The following TANGO6 variants were observed in gnomAD, a reference collection of about 807,000 sequenced individuals.
TANGO6 encodes the protein transport and golgi organization 6 homolog, also known as transport and Golgi organization protein 6 homolog.
In TANGO6, 90 loss-of-function variants were observed where a neutral mutation model predicts 114.2. The ratio of observed to expected loss-of-function variants is 0.79; its 90% CI spans 0.66 to 0.94. The LOEUF (loss-of-function observed/expected upper bound fraction) is 0.94, where lower values mean the gene tolerates loss of function less well. TANGO6 is among the 40% of genes least tolerant of loss of function. The pLI is 0.00. For synonymous variants in TANGO6, 477 were observed against 509.8 expected (o/e 0.94, Z 0.87); for missense variants, 1,274 against 1,315.3 (o/e 0.97, Z 0.49).
intron 14 of TANGO6, among the ~76,000 whole-genome samples, chr16:68,971,827 T>G (rs1243761306): frequency 6.7e-6 from 1 of 148,654 alleles, no homozygotes; most frequent in Non-Finnish European, 1.5e-5. Context: ...GAGACGGGGT[T>G]TCACCATGTT....
At chr16:69,078,667 C>A (rs904896950) in intron 17 of TANGO6, among the ~76,000 whole-genome samples, 24 of 152,158 alleles carry the variant, frequency 1.6e-4, no homozygotes, top group Admixed American at 1.4e-3. Context: ...CTAGATGTTT[C>A]CATTGTTAAA....
intron 13 of TANGO6, among the ~76,000 whole-genome samples, chr16:68,929,563 A>G (rs1407394333): frequency 6.6e-6 from 1 of 152,322 alleles, no homozygotes; most frequent in East Asian, 1.9e-4. Flanking sequence ...ACAGCATTAT[A>G]TATGGAGCAG....
chr16:69,069,853 C>T (rs1960269829), intron 17 of TANGO6, among the ~76,000 whole-genome samples: 2 of 151,874 alleles, frequency 1.3e-5, no homozygotes, highest in Admixed American at 6.6e-5. Context: ...TCTTGGATCT[C>T]GCGCAAGAAA....
chr16:69,023,145 A>T (rs145719716), intron 16 of TANGO6, among the ~76,000 whole-genome samples, 166 bp downstream of exon 16: 1 of 152,242 alleles, frequency 6.6e-6, no homozygotes, highest in African/African-American at 2.4e-5. Context: ...CATCTGTCTC[A>T]CATGTATATT....
At chr16:68,863,542 G>A (rs541270927) in intron 3 of TANGO6, among the ~76,000 whole-genome samples, 85 of 152,044 alleles carry the variant, frequency 5.6e-4, no homozygotes, top group South Asian at 2.9e-3. Flanking sequence ...CCTGGGAGGC[G>A]GAGGTTGCAG....
intron 7 of TANGO6, among the ~76,000 whole-genome samples, chr16:68,881,212 T>C (rs1962457194): frequency 1.3e-5 from 2 of 152,214 alleles, no homozygotes; most frequent in East Asian, 3.9e-4. Context: ...AAAGCATGTC[T>C]ATTGAAGAAG....
At chr16:69,029,657 C>T (rs200581155) in intron 16 of TANGO6, among the ~76,000 whole-genome samples, 1 of 151,976 alleles carries the variant, frequency 6.6e-6, no homozygotes, top group African/African-American at 2.4e-5. Flanking sequence ...GCGGTGGGGC[C>T]GTTGCAGTGC....
chr16:68,923,515 G>A (rs943148529), intron 12 of TANGO6, among the ~76,000 whole-genome samples: 2 of 152,188 alleles, frequency 1.3e-5, no homozygotes, highest in African/African-American at 4.8e-5. Context: ...GTGCTACAAT[G>A]CTGTCCTTTC....
intron 14 of TANGO6, among the ~76,000 whole-genome samples, chr16:68,934,997 G>A (rs1193813329): frequency 6.6e-6 from 1 of 152,166 alleles, no homozygotes; most frequent in African/African-American, 2.4e-5. Context: ...TCTGTTCTCA[G>A]CTCCCCAAGA....
At chr16:69,055,753 G>T (rs140425421) in intron 17 of TANGO6, among the ~76,000 whole-genome samples, 11 of 152,334 alleles carry the variant, frequency 7.2e-5, no homozygotes, top group Non-Finnish European at 1.6e-4. Flanking sequence ...GTAAAGCTGA[G>T]CCAGGCGTGC....
chr16:69,006,847 A>G (rs78100786), intron 15 of TANGO6, among the ~76,000 whole-genome samples: 1,716 of 152,348 alleles, frequency 0.011, 27 homozygotes, highest in African/African-American at 0.039. Flanking sequence ...TTGTTGTTGT[A>G]TGCTCACAGG....
chr16:69,022,546 A>G (rs1247542442), intron 15 of TANGO6, among the ~76,000 whole-genome samples: 1 of 152,102 alleles, frequency 6.6e-6, no homozygotes, highest in East Asian at 1.9e-4. Flanking sequence ...TCCACAAAAA[A>G]TACAAAAATT....
intron 16 of TANGO6, among the ~76,000 whole-genome samples, chr16:69,023,584 G>C (rs937292232): frequency 3.3e-5 from 5 of 152,138 alleles, no homozygotes; most frequent in African/African-American, 1.2e-4. Flanking sequence ...AACAGAATTG[G>C]AGAAACCTTT....
chr16:68,986,939 T>C (rs1352076154), intron 15 of TANGO6, among the ~76,000 whole-genome samples: 1 of 152,116 alleles, frequency 6.6e-6, no homozygotes, highest in Admixed American at 6.5e-5. Context: ...CCCCAAATTC[T>C]GCTCTGACAG....
chr16:68,913,669 A>G (rs938521046), intron 11 of TANGO6, among the ~76,000 whole-genome samples: 1 of 151,984 alleles, frequency 6.6e-6, no homozygotes, highest in African/African-American at 2.4e-5. Flanking sequence ...TTGGCCTCCC[A>G]AAGTGCTGGG....
chr16:68,893,162 T>C (rs1218119050), intron 7 of TANGO6, among the ~76,000 whole-genome samples: 1 of 152,194 alleles, frequency 6.6e-6, no homozygotes, highest in Non-Finnish European at 1.5e-5. Context: ...GTCTCACGTC[T>C]TAATGATTGA....
Position 68,906,515 on chromosome 16 carries a change from T to G in TANGO6, c.1668-928T>G, listed in dbSNP as rs186783934. Among the ~76,000 whole-genome samples the G allele has an allele frequency of 4.9e-3, 746 of 152,270 alleles. 8 individuals are homozygous for G. The highest frequency in any genetic ancestry group is 5.3e-3 in the Non-Finnish European group (361 of 68,008). ...AGGACCCAGAATATCTGCATATGAC[T>G]TATACTTTAATTCCTCCTTGCTTTT... On this transcript the variant is annotated intron_variant, in intron 9 of 17. Transcript: ENST00000261778.
chr16:69,076,830 C>G (rs1597081934), intron 17 of TANGO6, among the ~76,000 whole-genome samples: 1 of 152,122 alleles, frequency 6.6e-6, no homozygotes, highest in South Asian at 2.1e-4. Flanking sequence ...AATCTTACCT[C>G]CTCCACTGAC....
chr16:68,975,290 T>A (rs1963752662), intron 15 of TANGO6, among the ~76,000 whole-genome samples: 1 of 152,084 alleles, frequency 6.6e-6, no homozygotes, highest in Non-Finnish European at 1.5e-5. Context: ...ACCACCAACT[T>A]GAAGGAAGTT....
Sources: gnomAD v4.1 joint callset for allele counts (sites outside exome capture counted in the v4.1 genomes callset) on GRCh38, gnomAD v4.1.1 for gene constraint, MANE v1.5 for transcripts, NCBI Gene and HGNC (gene_info 2026-07-23, HGNC 2026-07-21) for gene names.